Variants in GPC5 observed in about 807,000 individuals in gnomAD.
The protein encoded by GPC5 is glypican-5.
Under a neutral mutation model 53.9 loss-of-function variants are expected in GPC5, and 47 were observed. The observed-to-expected ratio is 0.87, with a 90% CI of 0.69 to 1.11. The LOEUF (loss-of-function observed/expected upper bound fraction) is 1.11. Among genes scored for constraint, GPC5 ranks in the 50% most tolerant of loss-of-function variants. GPC5 has a pLI of 0.00. For missense variants in GPC5, 748 were observed against 713.1 expected, an observed-to-expected ratio of 1.05 and a Z score of -0.56; for synonymous variants, 286 against 263.3, an observed-to-expected ratio of 1.09 and a Z score of -0.84.
At chr13:92,848,370 A>AGTT (rs1238894067) in intron 7 of GPC5, among the ~76,000 whole-genome samples, 1 of 152,082 alleles carries the variant, frequency 6.6e-6, no homozygotes, top group African/African-American at 2.4e-5. Context: ...GAATTCTGTG[A>AGTT]GTTTATGTAG....
At chr13:91,475,464 G>A (rs553367375) in intron 2 of GPC5, among the ~76,000 whole-genome samples, 2 of 152,264 alleles carry the variant, frequency 1.3e-5, no homozygotes, top group African/African-American at 2.4e-5. Context: ...TGGTTTATTG[G>A]TCAATTATCA....
At chr13:92,386,167 T>C (rs1446978816) in intron 7 of GPC5, among the ~76,000 whole-genome samples, 1 of 152,048 alleles carries the variant, frequency 6.6e-6, no homozygotes, top group Non-Finnish European at 1.5e-5. Flanking sequence ...TAAAAAGGTA[T>C]AGCATCCAGA....
chr13:92,338,110 A>C (rs1215639842), intron 7 of GPC5, among the ~76,000 whole-genome samples: 2 of 152,126 alleles, frequency 1.3e-5, no homozygotes, highest in Non-Finnish European at 2.9e-5. Flanking sequence ...AAAACTCAAC[A>C]ATAAGGAAAC....
intron 5 of GPC5, among the ~76,000 whole-genome samples, chr13:91,777,687 G>A (rs2037733135): frequency 6.6e-6 from 1 of 151,920 alleles, no homozygotes; most frequent in Non-Finnish European, 1.5e-5. Context: ...ACTTGATTTT[G>A]AGTAAGTTCA....
chr13:92,777,095 G>C (rs1172802479), intron 7 of GPC5, among the ~76,000 whole-genome samples: 1 of 150,732 alleles, frequency 6.6e-6, no homozygotes, highest in Non-Finnish European at 1.5e-5. Flanking sequence ...ACTTTGGGAG[G>C]CCAAGGCGGG....
intron 7 of GPC5, among the ~76,000 whole-genome samples, chr13:92,181,282 A>G (rs530648664): frequency 4.1e-4 from 63 of 152,354 alleles, no homozygotes; most frequent in African/African-American, 1.4e-3. Context: ...TCCACAACAT[A>G]TAATTTCTTG....
chr13:91,529,202 T>C (rs1413128934), intron 2 of GPC5, among the ~76,000 whole-genome samples: 2 of 152,250 alleles, frequency 1.3e-5, no homozygotes, highest in African/African-American at 4.8e-5. Flanking sequence ...TTGCACACTT[T>C]TTTATTTTAT....
chr13:91,894,733 G>T (rs540199584), intron 5 of GPC5, among the ~76,000 whole-genome samples: 21 of 152,208 alleles, frequency 1.4e-4, no homozygotes, highest in African/African-American at 4.6e-4. Flanking sequence ...CAGGGGGAAA[G>T]AACCAATCAT....
chr13:91,916,085 A>G (rs2039655784), intron 6 of GPC5, among the ~76,000 whole-genome samples: 1 of 152,208 alleles, frequency 6.6e-6, no homozygotes, highest in South Asian at 2.1e-4. Flanking sequence ...CTGTATATCC[A>G]TAGTTAGTTT....
chr13:91,409,481 CA>C (rs1166850873), intron 1 of GPC5, among the ~76,000 whole-genome samples: 1 of 152,054 alleles, frequency 6.6e-6, no homozygotes, highest in Non-Finnish European at 1.5e-5. Context: ...CAGAAGCACA[CA>C]AAAAACTTCA....
chr13:92,172,454 T>C (rs185138235), intron 7 of GPC5, among the ~76,000 whole-genome samples: 312 of 152,302 alleles, frequency 2.0e-3, no homozygotes, highest in African/African-American at 7.0e-3. Flanking sequence ...ATATTGACTC[T>C]TAGATGAAAC....
chr13:91,401,229 T>C (rs1876927367), intron 1 of GPC5, among the ~76,000 whole-genome samples: 1 of 152,194 alleles, frequency 6.6e-6, no homozygotes, highest in South Asian at 2.1e-4. Context: ...GTATTGTTGG[T>C]CATTCTTTTA....
intron 6 of GPC5, among the ~76,000 whole-genome samples, chr13:91,912,712 A>C (rs1243179935): frequency 1.4e-5 from 2 of 144,850 alleles, no homozygotes; most frequent in African/African-American, 4.9e-5. Context: ...TCAGTCACCT[A>C]AAGTTGGATA....
chr13:92,563,527 T>C (rs1446493439), intron 7 of GPC5, among the ~76,000 whole-genome samples: 1 of 152,176 alleles, frequency 6.6e-6, no homozygotes, highest in African/African-American at 2.4e-5. Flanking sequence ...AAATCATGAA[T>C]ATATGCTAGA....
At chr13:91,656,596 G>T (rs772736730) in intron 2 of GPC5, among the ~76,000 whole-genome samples, 1 of 152,262 alleles carries the variant, frequency 6.6e-6, no homozygotes, top group Non-Finnish European at 1.5e-5. Context: ...ATGTGTAGCA[G>T]AGAAACTCCA....
At chr13:91,572,958 G>T (rs1425599264) in intron 2 of GPC5, among the ~76,000 whole-genome samples, 1 of 152,004 alleles carries the variant, frequency 6.6e-6, no homozygotes, top group African/African-American at 2.4e-5. Flanking sequence ...TGGTCACAAA[G>T]GCATACCGGA....
intron 1 of GPC5, among the ~76,000 whole-genome samples, chr13:91,412,294 T>C (rs1179948949): frequency 1.3e-5 from 2 of 152,260 alleles, no homozygotes; most frequent in African/African-American, 4.8e-5. Context: ...TAGCCCTTGC[T>C]AGTCCATTTG....
At chr13:92,565,618 T>A (rs1211639502) in intron 7 of GPC5, among the ~76,000 whole-genome samples, 1 of 152,030 alleles carries the variant, frequency 6.6e-6, no homozygotes, top group African/African-American at 2.4e-5. Context: ...AGACCACAAG[T>A]TTTTTCCACT....
intron 5 of GPC5, among the ~76,000 whole-genome samples, chr13:91,827,894 C>T (rs536807917): frequency 6.6e-6 from 1 of 152,106 alleles, no homozygotes; most frequent in South Asian, 2.1e-4. Flanking sequence ...TATACGTACT[C>T]ACAGCATCAT....
Sources: gnomAD v4.1 joint callset for allele counts (sites outside exome capture counted in the v4.1 genomes callset) on GRCh38, gnomAD v4.1.1 for gene constraint, MANE v1.5 for transcripts, NCBI Gene and HGNC (gene_info 2026-07-23, HGNC 2026-07-21) for gene names.